SLC24A3: variants seen among roughly 807,000 people sequenced by gnomAD.
SLC24A3 encodes the protein solute carrier family 24 member 3.
A neutral mutation model predicts 75.8 loss-of-function variants in SLC24A3; 28 were observed. That is an observed-to-expected ratio of 0.37 (90% CI 0.27 to 0.51). SLC24A3 has a LOEUF of 0.51. Among genes scored for constraint, SLC24A3 ranks in the 20% least tolerant of loss-of-function variants. The probability of loss-of-function intolerance (pLI) is 0.94; values close to 1 mark genes in which losing one functional copy is unlikely to be tolerated. For missense variants in SLC24A3, 663 were observed against 847.8 expected (o/e 0.78, Z 2.71); for synonymous variants, 372 against 334.1 (o/e 1.11, Z -1.24).
chr20:19,701,048 C>A (rs984674369), intron 15 of SLC24A3, among the ~76,000 whole-genome samples: 1 of 151,964 alleles, frequency 6.6e-6, no homozygotes, highest in Non-Finnish European at 1.5e-5. Context: ...AGATTCATTC[C>A]TGAAGTTTTG....
chr20:19,331,466 AATAG>A (rs73617283), intron 2 of SLC24A3, among the ~76,000 whole-genome samples: 8,476 of 152,166 alleles, frequency 0.056, 622 homozygotes, highest in East Asian at 0.26. Flanking sequence ...AGAGAGAGAT[AATAG>A]ATAGAGATAG....
chr20:19,290,463 G>A (rs1196425913), intron 2 of SLC24A3, among the ~76,000 whole-genome samples: 1 of 152,142 alleles, frequency 6.6e-6, no homozygotes, highest in Non-Finnish European at 1.5e-5. Flanking sequence ...AGGATTTAGT[G>A]TTCTTATAAA....
intron 2 of SLC24A3, among the ~76,000 whole-genome samples, chr20:19,364,884 G>GTGCC (rs1423372915): frequency 6.6e-6 from 1 of 152,164 alleles, no homozygotes; most frequent in African/African-American, 2.4e-5. Flanking sequence ...GGCCCTACCA[G>GTGCC]AAAAGTAGGC....
intron 2 of SLC24A3, among the ~76,000 whole-genome samples, chr20:19,361,775 A>G (rs1187819798): frequency 6.6e-6 from 1 of 152,206 alleles, no homozygotes; most frequent in Non-Finnish European, 1.5e-5. Context: ...AGTTAAATAT[A>G]TTTGTGAAAA....
At chr20:19,228,110 T>C (rs1437065953) in intron 1 of SLC24A3, among the ~76,000 whole-genome samples, 3 of 152,204 alleles carry the variant, frequency 2.0e-5, no homozygotes, top group African/African-American at 4.8e-5. Context: ...CTTAATAGTC[T>C]TTTAAAATAT....
At chr20:19,235,068 T>G (rs1053813906) in intron 1 of SLC24A3, among the ~76,000 whole-genome samples, 1 of 152,234 alleles carries the variant, frequency 6.6e-6, no homozygotes, top group African/African-American at 2.4e-5. Context: ...CAAGGATACT[T>G]GACTCATTTC....
chr20:19,280,754 G>T (rs1284414608), intron 1 of SLC24A3, among the ~76,000 whole-genome samples: 1 of 152,222 alleles, frequency 6.6e-6, no homozygotes, highest in Non-Finnish European at 1.5e-5. Context: ...CCACTGGGAA[G>T]AATCTAGAAT....
intron 2 of SLC24A3, among the ~76,000 whole-genome samples, chr20:19,337,171 G>A (rs1161013037): frequency 6.6e-6 from 1 of 152,142 alleles, no homozygotes; most frequent in African/African-American, 2.4e-5. Flanking sequence ...TCGGCCGAGC[G>A]CAGTGGCTCA....
At chr20:19,253,174 G>A (rs1485380673) in intron 1 of SLC24A3, among the ~76,000 whole-genome samples, 2 of 152,192 alleles carry the variant, frequency 1.3e-5, no homozygotes, top group African/African-American at 4.8e-5. Flanking sequence ...TAGAGGAGGG[G>A]ACAGACCTAA....
intron 2 of SLC24A3, among the ~76,000 whole-genome samples, chr20:19,358,001 A>C (rs7264626): frequency 0.072 from 11,034 of 152,258 alleles, 1,271 homozygotes; most frequent in African/African-American, 0.25. Flanking sequence ...ACCACTTTTC[A>C]GTTCAGTTAC....
chr20:19,546,815 C>A (rs2030604086), intron 3 of SLC24A3, among the ~76,000 whole-genome samples: 1 of 152,172 alleles, frequency 6.6e-6, no homozygotes, highest in African/African-American at 2.4e-5. Context: ...AGCTCTGGTG[C>A]ATTCACACTC....
At chr20:19,380,260 A>G (rs1986157967) in intron 2 of SLC24A3, among the ~76,000 whole-genome samples, 1 of 152,158 alleles carries the variant, frequency 6.6e-6, no homozygotes, top group Non-Finnish European at 1.5e-5. Context: ...TGTTGGTGCA[A>G]AGAAGCAGGG....
At chr20:19,430,082 T>C (rs1408374067) in intron 2 of SLC24A3, among the ~76,000 whole-genome samples, 3 of 151,776 alleles carry the variant, frequency 2.0e-5, no homozygotes. Context: ...GAGGAAGGGA[T>C]TTGGTTTGAT....
At chr20:19,293,125 C>T (rs527780104) in intron 2 of SLC24A3, among the ~76,000 whole-genome samples, 126 of 152,256 alleles carry the variant, frequency 8.3e-4, no homozygotes, top group African/African-American at 2.7e-3. Flanking sequence ...TGGGAGGCTG[C>T]CCTTTGGACA....
chr20:19,533,179 A>T (rs2030332836), intron 3 of SLC24A3, among the ~76,000 whole-genome samples: 1 of 152,216 alleles, frequency 6.6e-6, no homozygotes, highest in South Asian at 2.1e-4. Context: ...GTCAGACAAC[A>T]GCTGGAGCTA....
chr20:19,348,605 T>C (rs1332727441), intron 2 of SLC24A3, among the ~76,000 whole-genome samples: 5 of 152,112 alleles, frequency 3.3e-5, no homozygotes, highest in Admixed American at 2.0e-4. Flanking sequence ...GATAGATCAA[T>C]AGAGTTGTGT....
intron 15 of SLC24A3, among the ~76,000 whole-genome samples, chr20:19,703,632 G>A (rs1299432467): frequency 2.6e-5 from 4 of 152,178 alleles, no homozygotes; most frequent in African/African-American, 9.7e-5. Context: ...AGCATCAAGT[G>A]TATGATCTAT....
At chr20:19,292,203 G>C (rs1983958441) in intron 2 of SLC24A3, among the ~76,000 whole-genome samples, 1 of 152,164 alleles carries the variant, frequency 6.6e-6, no homozygotes, top group Non-Finnish European at 1.5e-5. Flanking sequence ...TTAACACACA[G>C]CCAGTGCTCA....
intron 7 of SLC24A3, among the ~76,000 whole-genome samples, chr20:19,654,597 T>C (rs1175978421): frequency 6.7e-6 from 1 of 149,784 alleles, no homozygotes; most frequent in Non-Finnish European, 1.5e-5. Flanking sequence ...AACTCTCTAC[T>C]AGACATCTCC....
Sources: allele counts gnomAD v4.1 joint callset (sites outside exome capture counted in the v4.1 genomes callset), GRCh38; gene constraint gnomAD v4.1.1; transcripts MANE v1.5; gene names NCBI Gene and HGNC (gene_info 2026-07-23, HGNC 2026-07-21).